The following ADAM23 variants were observed in gnomAD, a reference collection of about 807,000 sequenced individuals.
ADAM23 encodes disintegrin and metalloproteinase domain-containing protein 23.
Under a neutral mutation model 120.1 loss-of-function variants are expected in ADAM23, and 33 were observed. The observed-to-expected ratio is 0.27, with a 90% CI of 0.21 to 0.37. The LOEUF (loss-of-function observed/expected upper bound fraction) is 0.37. ADAM23 is among the 10% of genes least tolerant of loss of function. The pLI is 1.00. For synonymous variants in ADAM23, 367 were observed against 375.2 expected (o/e 0.98, Z 0.25); for missense variants, 862 against 1,058.2 (o/e 0.81, Z 2.57).
chr2:206,466,941 G>T (rs79553299), intron 2 of ADAM23, among the ~76,000 whole-genome samples: 11,919 of 152,176 alleles, frequency 0.078, 597 homozygotes, highest in Admixed American at 0.13. Context: ...GAGTAGGACC[G>T]AGATGGGGGG....
rs745823546 is a variant in ADAM23, at chr2:206,550,084, A to G, written c.868-11A>G. 6.5e-7 allele frequency: 1 copy of G among 1,533,190 alleles called. No individual in the cohort carries two copies. The highest frequency in any genetic ancestry group is 1.7e-5 in the Admixed American group (1 of 57,790). 95.0% of individuals were successfully genotyped at this position (1,533,190 alleles called of 1,614,324 possible). On this transcript the variant is annotated splice_polypyrimidine_tract_variant and intron_variant, in intron 8 of 25. Coordinates refer to ENST00000264377, the MANE Select transcript of ADAM23 (RefSeq NM_003812.4). ...ATCACTATTCTGACCATATATTTTT[A>G]TTTTCCGTAGCCATCACGTGGTATA...
intron 21 of ADAM23, 144 bp from the exon 22 acceptor site, chr2:206,592,473 C>T (rs1698442851): frequency 9.7e-7 from 1 of 1,035,684 alleles, no homozygotes; most frequent in Admixed American, 2.4e-5. Context: ...AGGTTATCAC[C>T]TACCAATGAT....
rs568908770 is a variant in ADAM23, at chr2:206,605,258, C to T, written c.2360-4652C>T. 2.2e-4 allele frequency among the ~76,000 whole-genome samples: 34 copies of T among 152,290 alleles called. 1 individual carries two copies. In the South Asian group the frequency reaches 6.2e-3, roughly 28 times the overall value. On this transcript the variant is annotated intron_variant, in intron 24 of 25. Transcript: ENST00000264377. ...ATGACAGAAATCCAAATATTGCAGACTTATCTGAAATACGCTTTTCAATAA... is the reference window on the plus strand; with the variant it reads ...ATGACAGAAATCCAAATATTGCAGATTTATCTGAAATACGCTTTTCAATAA...
In ADAM23 at chr2:206,559,549, T is replaced by C. The variant is rs192606564; in HGVS notation, c.1006-406T>C. 1.6e-3 allele frequency among the ~76,000 whole-genome samples: 240 copies of C among 152,294 alleles called. 2 individuals carry two copies. The highest frequency in any genetic ancestry group is 5.5e-3 in the African/African-American group (228 of 41,568). ...CTTATCTGGAGATTTAGTGATTCATTCCAATCCAGCAGGAATAAATTGTTG... is the reference window on the plus strand; with the variant it reads ...CTTATCTGGAGATTTAGTGATTCATCCCAATCCAGCAGGAATAAATTGTTG... On this transcript the variant is annotated intron_variant, in intron 10 of 25. Transcript: ENST00000264377.
At chr2:206,586,990 G>A (rs988032746) in intron 18 of ADAM23, among the ~76,000 whole-genome samples, 3 of 152,090 alleles carry the variant, frequency 2.0e-5, no homozygotes, top group Admixed American at 1.3e-4. Context: ...GAATGTGACC[G>A]TTCTATGTAC....
chr2:206,567,452 A>G (rs374892443), intron 15 of ADAM23, 130 bp downstream of exon 15: 100 of 617,288 alleles, frequency 1.6e-4, no homozygotes, highest in Middle Eastern at 2.7e-4. Flanking sequence ...ATTTAGTTAT[A>G]AAAGTCCTTA....
chr2:206,569,730 A>G (rs1231302100), intron 15 of ADAM23, among the ~76,000 whole-genome samples: 1 of 152,188 alleles, frequency 6.6e-6, no homozygotes, highest in Non-Finnish European at 1.5e-5. Context: ...TTTTGCTCAT[A>G]GGACTTTTCC....
At chr2:206,498,771 C>A (rs1008921473) in intron 3 of ADAM23, among the ~76,000 whole-genome samples, 3 of 152,106 alleles carry the variant, frequency 2.0e-5, no homozygotes, top group Non-Finnish European at 4.4e-5. Flanking sequence ...GGGCTAATAT[C>A]CAGAATCTAC....
chr2:206,585,713 A>G lies in ADAM23; in HGVS notation c.1738-1612A>G, dbSNP rs1208883313. Among the ~76,000 whole-genome samples the G allele has an allele frequency of 3.9e-5, 6 of 152,204 alleles. No homozygotes were observed. The East Asian group carries it at 1.2e-3, about 29-fold the overall frequency. On this transcript the variant is annotated intron_variant, in intron 18 of 25. Coordinates refer to ENST00000264377, the MANE Select transcript of ADAM23 (RefSeq NM_003812.4). ...AGGTACTAGGGCAGCAGTAAGGAAC[A>G]AAACATAGAATCCTGCTTGCATGGA...
At chr2:206,551,930 G>C (rs1159318532) in intron 9 of ADAM23, among the ~76,000 whole-genome samples, 1 of 152,142 alleles carries the variant, frequency 6.6e-6, no homozygotes, top group East Asian at 1.9e-4. Context: ...CCTTTTTGGT[G>C]GAAAGGAAAG....
intron 3 of ADAM23, among the ~76,000 whole-genome samples, chr2:206,499,958 C>T (rs1410322057): frequency 1.3e-5 from 2 of 152,104 alleles, no homozygotes; most frequent in Admixed American, 6.6e-5. Context: ...TGTTCCTTCA[C>T]CCAGCACCGT....
At chr2:206,530,115 T>A (rs1697021181) in intron 3 of ADAM23, among the ~76,000 whole-genome samples, 1 of 152,214 alleles carries the variant, frequency 6.6e-6, no homozygotes, top group African/African-American at 2.4e-5. Context: ...GGCTTTGTTT[T>A]ATGTATTTTT....
chr2:206,469,562 G>A (rs1695611403), intron 2 of ADAM23, among the ~76,000 whole-genome samples: 2 of 152,092 alleles, frequency 1.3e-5, no homozygotes, highest in African/African-American at 4.8e-5. Context: ...TGCATAGTCC[G>A]CACAATAGCT....
chr2:206,585,853 T>G (rs1000935710), intron 18 of ADAM23, among the ~76,000 whole-genome samples: 1 of 152,210 alleles, frequency 6.6e-6, no homozygotes, highest in Middle Eastern at 3.4e-3. Context: ...ACTTGTAGAC[T>G]TCTCTAAAAA....
In ADAM23 at chr2:206,596,137, C is replaced by A; in HGVS notation, c.2334C>A (p.His778Gln). ...TCCGGGATCCAGTTAGGAACCTTCACCCCCCCAAGGATGAAGGACCCAAGG... is the reference window on the plus strand; with the variant it reads ...TCCGGGATCCAGTTAGGAACCTTCAACCCCCCAAGGATGAAGGACCCAAGG... ...CSIRDPVRNL[H>Q]PPKDEGPKGP... The change falls in exon 24 of 26, where the codon CAC becomes CAA. Residue 778 changes from histidine to glutamine, a missense_variant. Around this residue, in one of 4 missense-constraint regions of ADAM23, gnomAD observed 617 missense variants for 813.5 expected, o/e 0.76. Coordinates refer to ENST00000264377, the MANE Select transcript of ADAM23 (RefSeq NM_003812.4). 6.2e-7 allele frequency: 1 copy of A among 1,613,384 alleles called. No individual in the cohort carries two copies. Among genetic ancestry groups the A allele is most frequent in the African/African-American group, 1.3e-5 (1 of 74,994 alleles).
chr2:206,460,750 C>T (rs575642425), intron 2 of ADAM23, among the ~76,000 whole-genome samples: 21 of 152,006 alleles, frequency 1.4e-4, no homozygotes, highest in African/African-American at 3.1e-4. Flanking sequence ...TGATGCAGTC[C>T]GATTTATCTG....
At chr2:206,533,988 T>C (rs1023029715) in intron 4 of ADAM23, among the ~76,000 whole-genome samples, 1 of 152,248 alleles carries the variant, frequency 6.6e-6, no homozygotes, top group Non-Finnish European at 1.5e-5. Context: ...TTTTACAACT[T>C]TAAAAAGTAA....
chr2:206,489,940 T>G (rs149006805), intron 3 of ADAM23, among the ~76,000 whole-genome samples: 1 of 152,240 alleles, frequency 6.6e-6, no homozygotes, highest in African/African-American at 2.4e-5. Context: ...GTTTGTTGAG[T>G]AGAACCATCT....
At chr2:206,566,078 A>G (rs995971928) in intron 14 of ADAM23, among the ~76,000 whole-genome samples, 3 of 151,964 alleles carry the variant, frequency 2.0e-5, no homozygotes, top group South Asian at 2.1e-4. Flanking sequence ...TTTGAGGACT[A>G]CTATAAGAAG....
Sources: allele counts gnomAD v4.1 joint callset (sites outside exome capture counted in the v4.1 genomes callset), GRCh38; gene constraint gnomAD v4.1.1; regional missense constraint gnomAD v4.1.1; transcripts MANE v1.5; gene names NCBI Gene and HGNC (gene_info 2026-07-23, HGNC 2026-07-21).